Variants in LARP4B observed in about 807,000 individuals in gnomAD.
LARP4B encodes the protein la-related protein 4B.
Under a neutral mutation model 89.8 loss-of-function variants are expected in LARP4B, and 12 were observed. The observed-to-expected ratio is 0.13, with a 90% CI of 0.09 to 0.22. The LOEUF (loss-of-function observed/expected upper bound fraction) is 0.22. Ranked by LOEUF, LARP4B falls within the 10% of genes least tolerant of loss-of-function variation. LARP4B has a pLI of 1.00. For missense variants in LARP4B, 757 were observed against 947.7 expected (o/e 0.80, Z 2.64); for synonymous variants, 367 against 363.3 (o/e 1.01, Z -0.12).
downstream of LARP4B, chr10:808,304 G>C (rs1035759907): frequency 6.6e-6 from 1 of 152,190 alleles, no homozygotes; most frequent in Non-Finnish European, 1.5e-5. Flanking sequence ...AATATACTTC[G>C]AGTTAATACA....
the LARP4B span, among the ~76,000 whole-genome samples, chr10:938,495 C>T: frequency 2.7e-5 from 4 of 150,422 alleles, no homozygotes; most frequent in South Asian, 2.1e-4. Flanking sequence ...TCTTGTGATC[C>T]GCCCGCCTCG....
At chr10:954,250 A>C in the LARP4B span, among the ~76,000 whole-genome samples, 1 of 152,120 alleles carries the variant, frequency 6.6e-6, no homozygotes, top group East Asian at 1.9e-4. This position sits in a 1 kb window ranked among gnomAD's most constrained non-coding sequence, Gnocchi z 5.0. Flanking sequence ...TGTGTCCACC[A>C]GCCCGTCTTT....
chr10:918,260 G>C (rs983679593), intron 1 of LARP4B, among the ~76,000 whole-genome samples: 1 of 152,140 alleles, frequency 6.6e-6, no homozygotes, highest in Non-Finnish European at 1.5e-5. Context: ...TATGCTCCTG[G>C]GTTGCAATCA....
chr10:913,650 G>T (rs1836735786), intron 1 of LARP4B, among the ~76,000 whole-genome samples: 1 of 152,194 alleles, frequency 6.6e-6, no homozygotes, highest in South Asian at 2.1e-4. Context: ...TGTTAAGAAT[G>T]AATAAATTAG....
chr10:869,896 CAAAA>C (rs1316406205), intron 3 of LARP4B: 1 of 244,392 alleles, frequency 4.1e-6, no homozygotes, highest in Non-Finnish European at 5.9e-6. Context: ...GACTCTGTCT[CAAAA>C]AATAAATAAT....
intron 1 of LARP4B, among the ~76,000 whole-genome samples, chr10:920,833 G>C (rs1040447165): frequency 3.9e-5 from 6 of 152,158 alleles, no homozygotes; most frequent in African/African-American, 1.4e-4. Context: ...GACTGATAAC[G>C]ATGGAACTGA....
chr10:968,675 G>T, the LARP4B span, among the ~76,000 whole-genome samples: 1 of 152,236 alleles, frequency 6.6e-6, no homozygotes, highest in South Asian at 2.1e-4. Flanking sequence ...ATCTCAAAGA[G>T]CGAACATTCC....
intron 5 of LARP4B, among the ~76,000 whole-genome samples, chr10:852,652 T>C (rs1834116571): frequency 2.6e-5 from 4 of 152,140 alleles, no homozygotes; most frequent in Admixed American, 1.3e-4. Context: ...GATAAAGAAA[T>C]AAAAGGCATC....
chr10:932,575 C>T (rs1185751954), upstream of LARP4B, among the ~76,000 whole-genome samples: 27 of 114,530 alleles, frequency 2.4e-4, no homozygotes, highest in Non-Finnish European at 3.3e-4. Flanking sequence ...TCCCACCCCA[C>T]ACCCGGGACC....
At chr10:892,418 G>A (rs1174041738) in intron 1 of LARP4B, among the ~76,000 whole-genome samples, 1 of 152,118 alleles carries the variant, frequency 6.6e-6, no homozygotes, top group Non-Finnish European at 1.5e-5. Flanking sequence ...AATGTTTATT[G>A]CATGATTAAA....
intron 1 of LARP4B, among the ~76,000 whole-genome samples, chr10:887,017 G>A (rs1835876680): frequency 6.6e-6 from 1 of 152,128 alleles, no homozygotes; most frequent in African/African-American, 2.4e-5. Context: ...AACCCGGGAA[G>A]CAGGGGTTGC....
chr10:821,634 G>A (rs1832357323), intron 13 of LARP4B, among the ~76,000 whole-genome samples: 1 of 152,204 alleles, frequency 6.6e-6, no homozygotes, highest in Non-Finnish European at 1.5e-5. Flanking sequence ...TCCCCCAAGG[G>A]CCTTGTATTA....
chr10:955,904 G>T, the LARP4B span, among the ~76,000 whole-genome samples: 2 of 152,122 alleles, frequency 1.3e-5, no homozygotes, highest in Admixed American at 6.5e-5. The surrounding 1 kb of genome is among the most constrained non-coding windows in gnomAD (Gnocchi z 5.2). Flanking sequence ...CACCTGAGGC[G>T]ACTGTTTCCC....
At chr10:919,758 C>G (rs1353186447) in intron 1 of LARP4B, among the ~76,000 whole-genome samples, 1 of 152,226 alleles carries the variant, frequency 6.6e-6, no homozygotes, top group African/African-American at 2.4e-5. Context: ...AGACTGCACA[C>G]AGACTCCTGT....
At chr10:849,139 C>A (rs1588905443) in intron 5 of LARP4B, among the ~76,000 whole-genome samples, 1 of 151,784 alleles carries the variant, frequency 6.6e-6, no homozygotes, top group African/African-American at 2.4e-5. Context: ...AACAGCGAAA[C>A]AAAGAAGAAG....
chr10:918,632 C>CAAAA (rs57396015), intron 1 of LARP4B, among the ~76,000 whole-genome samples: 2 of 48,354 alleles, frequency 4.1e-5, no homozygotes, highest in African/African-American at 7.5e-5. Context: ...GACCCTGTCT[C>CAAAA]AAAAAAAAAA....
chr10:908,060 G>C (rs1836543198), intron 1 of LARP4B, among the ~76,000 whole-genome samples: 1 of 152,162 alleles, frequency 6.6e-6, no homozygotes, highest in South Asian at 2.1e-4. Flanking sequence ...ACAAAAATTA[G>C]CTGGGCCTGG....
the LARP4B span, among the ~76,000 whole-genome samples, chr10:975,281 G>A: frequency 1.3e-5 from 2 of 152,214 alleles, no homozygotes; most frequent in Admixed American, 1.3e-4. Flanking sequence ...GCATCCACCC[G>A]TGGTGTCCCG....
intron 1 of LARP4B, among the ~76,000 whole-genome samples, chr10:896,805 CTTAAA>C (rs1372743653): frequency 6.6e-6 from 1 of 152,094 alleles, no homozygotes; most frequent in African/African-American, 2.4e-5. Flanking sequence ...AATACAAACC[CTTAAA>C]ACCCAGTTCT....
Sources: allele counts gnomAD v4.1 joint callset (sites outside exome capture counted in the v4.1 genomes callset), GRCh38; gene constraint gnomAD v4.1.1; non-coding constraint Gnocchi (gnomAD v3.1); transcripts MANE v1.5; gene names NCBI Gene and HGNC (gene_info 2026-07-23, HGNC 2026-07-21).